Variants in CSMD1 observed in about 807,000 individuals in gnomAD.
The protein encoded by CSMD1 is CUB and Sushi multiple domains 1, also known as CUB and sushi domain-containing protein 1.
Under a neutral mutation model 417.5 loss-of-function variants are expected in CSMD1, and 213 were observed. The ratio of observed to expected loss-of-function variants is 0.51; its 90% CI spans 0.46 to 0.57. The LOEUF (loss-of-function observed/expected upper bound fraction) is 0.57. Among genes scored for constraint, CSMD1 ranks in the 20% least tolerant of loss-of-function variants. The pLI, the probability that CSMD1 is intolerant of heterozygous loss-of-function variation, is 0.00. For synonymous variants in CSMD1, 2,862 were observed against 1,736.8 expected (o/e 1.65, Z -16.11); for missense variants, 6,923 against 4,529.7 (o/e 1.53, Z -15.17).
chr8:4,070,778 T>A (rs1001528250), intron 3 of CSMD1, among the ~76,000 whole-genome samples: 1 of 152,214 alleles, frequency 6.6e-6, no homozygotes, highest in Non-Finnish European at 1.5e-5. Context: ...TGACACCCTC[T>A]CATAAGCTGT....
At chr8:4,428,608 C>G (rs1410647074) in intron 2 of CSMD1, among the ~76,000 whole-genome samples, 2 of 152,106 alleles carry the variant, frequency 1.3e-5, no homozygotes, top group Admixed American at 6.6e-5. Flanking sequence ...ACTAGATGTG[C>G]TCAAGTTCCT....
At chr8:4,453,674 C>T (rs969007242) in intron 2 of CSMD1, among the ~76,000 whole-genome samples, 2 of 152,068 alleles carry the variant, frequency 1.3e-5, no homozygotes, top group Admixed American at 6.5e-5. Context: ...GCAGGTCCCG[C>T]AGTCTACAGA....
intron 3 of CSMD1, among the ~76,000 whole-genome samples, chr8:4,334,863 C>A (rs1040682098): frequency 2.0e-5 from 3 of 152,046 alleles, no homozygotes; most frequent in Non-Finnish European, 2.9e-5. Flanking sequence ...GATCTGGAGG[C>A]TGGGAAGTCC....
chr8:3,630,909 C>T (rs773951790), intron 7 of CSMD1, among the ~76,000 whole-genome samples: 3 of 152,026 alleles, frequency 2.0e-5, no homozygotes, highest in African/African-American at 4.8e-5. Flanking sequence ...ATTAGAGAGC[C>T]GAGATCTCTT....
intron 1 of CSMD1, among the ~76,000 whole-genome samples, chr8:4,972,808 G>C (rs1044907714): frequency 3.3e-5 from 5 of 152,108 alleles, no homozygotes; most frequent in South Asian, 4.1e-4. Flanking sequence ...GTGTTGTCTT[G>C]TTAATTGCTC....
At chr8:3,474,953 G>A (rs1278804732) in intron 11 of CSMD1, among the ~76,000 whole-genome samples, 1 of 152,060 alleles carries the variant, frequency 6.6e-6, no homozygotes, top group African/African-American at 2.4e-5. Context: ...TATTGTAGCT[G>A]CCTGCCTTTT....
intron 12 of CSMD1, among the ~76,000 whole-genome samples, chr8:3,427,531 C>T (rs561061806): frequency 2.6e-5 from 4 of 151,856 alleles, no homozygotes; most frequent in East Asian, 1.9e-4. Flanking sequence ...GTAAAAAGAA[C>T]CTTCTTCATC....
chr8:4,631,276 C>T (rs777768572), intron 2 of CSMD1, among the ~76,000 whole-genome samples: 2 of 152,070 alleles, frequency 1.3e-5, no homozygotes, highest in African/African-American at 4.8e-5. Context: ...GCAGGAGAAT[C>T]GCTGGAACCT....
chr8:4,167,432 A>G (rs1432789822), intron 3 of CSMD1, among the ~76,000 whole-genome samples: 4 of 152,190 alleles, frequency 2.6e-5, no homozygotes, highest in African/African-American at 9.6e-5. Context: ...ATGGTAATAG[A>G]AATGTTAACA....
rs574281746 is a variant in CSMD1 at position 3,185,164 on chromosome 8, G to C, written c.5620+2705C>G. Among the ~76,000 whole-genome samples the C allele has an allele frequency of 1.1e-3, 170 of 152,358 alleles. 1 individual carries two copies. Among genetic ancestry groups the C allele is most frequent in the African/African-American group, 3.9e-3 (164 of 41,598 alleles). On this transcript the variant is annotated intron_variant, in intron 36 of 69. Transcript: ENST00000635120. ...CCCCGAGGGCTTGCAGCTGACGTCA[G>C]AGGGGAGTCCTGTGGAGAAGCATGA...
chr8:4,058,953 C>G (rs985054064), intron 3 of CSMD1, among the ~76,000 whole-genome samples: 3 of 152,010 alleles, frequency 2.0e-5, no homozygotes, highest in African/African-American at 7.3e-5. Flanking sequence ...TAACAGACAT[C>G]TACAGAACTC....
chr8:4,403,994 C>T (rs767632644), intron 3 of CSMD1, among the ~76,000 whole-genome samples: 1 of 152,188 alleles, frequency 6.6e-6, no homozygotes, highest in South Asian at 2.1e-4. Context: ...CTCAGGTCAA[C>T]CAATCAATTA....
Position 4,026,037 on chromosome 8 carries a change from G to A in CSMD1, c.610+5868C>T, listed in dbSNP as rs78116601. On this transcript the variant is annotated intron_variant, in intron 4 of 69. Coordinates refer to ENST00000635120, the MANE Select transcript of CSMD1 (RefSeq NM_033225.6). ...AAAAAAAAAAAAAACTCTTCAACCA[G>A]TTCCTGCAAATAAATAAGTATTAAT... is the stretch of plus-strand genomic sequence containing the variant. Among the ~76,000 whole-genome samples, 14 of 150,894 alleles carry A rather than the reference G, an allele frequency of 9.3e-5. No individual in the cohort carries two copies. In the East Asian group the frequency reaches 2.4e-3, roughly 25 times the overall value.
intron 3 of CSMD1, among the ~76,000 whole-genome samples, chr8:4,074,229 G>C (rs903504623): frequency 6.6e-6 from 1 of 151,852 alleles, no homozygotes; most frequent in Admixed American, 6.6e-5. Context: ...ACAGCTTTTT[G>C]TAACCCCAGA....
intron 5 of CSMD1, among the ~76,000 whole-genome samples, chr8:3,945,622 G>A (rs191737622): frequency 1.6e-3 from 250 of 152,174 alleles, no homozygotes; most frequent in African/African-American, 5.8e-3. Context: ...TAATGTACTG[G>A]TTAACTCACA....
intron 12 of CSMD1, among the ~76,000 whole-genome samples, chr8:3,421,685 T>A (rs528574151): frequency 1.8e-4 from 28 of 152,338 alleles, no homozygotes; most frequent in African/African-American, 6.7e-4. Flanking sequence ...TTGCCCAGAC[T>A]GCAGTGCACT....
intron 1 of CSMD1, among the ~76,000 whole-genome samples, chr8:4,859,787 T>C (rs550533945): frequency 1.6e-3 from 236 of 152,016 alleles, no homozygotes; most frequent in Middle Eastern, 6.8e-3. Flanking sequence ...TGTGGAGAAA[T>C]AGGAACACTT....
chr8:4,158,591 C>T (rs1053121320), intron 3 of CSMD1, among the ~76,000 whole-genome samples: 2 of 152,142 alleles, frequency 1.3e-5, no homozygotes, highest in Non-Finnish European at 2.9e-5. Flanking sequence ...TCGTTCCCCT[C>T]CTTCTTATTT....
At chr8:3,967,112 G>A (rs537095958) in intron 5 of CSMD1, among the ~76,000 whole-genome samples, 2 of 152,178 alleles carry the variant, frequency 1.3e-5, no homozygotes, top group African/African-American at 2.4e-5. Flanking sequence ...GATTTTCATA[G>A]AGAAACGGAC....
Sources: allele counts gnomAD v4.1 joint callset (sites outside exome capture counted in the v4.1 genomes callset), GRCh38; gene constraint gnomAD v4.1.1; transcripts MANE v1.5; gene names NCBI Gene and HGNC (gene_info 2026-07-23, HGNC 2026-07-21).